NOS1: variants seen among roughly 807,000 people sequenced by gnomAD.
NOS1 encodes the protein NOS type I.
A neutral mutation model predicts 164.5 loss-of-function variants in NOS1; 51 were observed. That is an observed-to-expected ratio of 0.31 (90% CI 0.25 to 0.39). The LOEUF (loss-of-function observed/expected upper bound fraction) is 0.39, where lower values mean the gene tolerates loss of function less well. Among genes scored for constraint, NOS1 ranks in the 10% least tolerant of loss-of-function variants. NOS1 has a pLI of 1.00. For synonymous variants in NOS1, 719 were observed against 745.8 expected (o/e 0.96, Z 0.59); for missense variants, 1,362 against 1,885.6 (o/e 0.72, Z 5.14).
chr12:117,270,094 T>C (rs1254156258), intron 10 of NOS1, among the ~76,000 whole-genome samples: 1 of 152,158 alleles, frequency 6.6e-6, no homozygotes, highest in Admixed American at 6.5e-5. Context: ...AAAGAACTCA[T>C]GACATGCATG....
chr12:117,224,915 C>A, intron 25 of NOS1, 101 bp downstream of exon 25: 1 of 1,488,262 alleles, frequency 6.7e-7, no homozygotes, highest in Non-Finnish European at 9.3e-7. Flanking sequence ...GCGGTGATGC[C>A]GTGGAGAGAC....
chr12:117,251,124 G>A (rs1386694120), intron 17 of NOS1, among the ~76,000 whole-genome samples: 2 of 152,118 alleles, frequency 1.3e-5, no homozygotes, highest in African/African-American at 2.4e-5. Context: ...AGAGATCAGA[G>A]TTCTTCCCTT....
At chr12:117,260,666 C>G in intron 13 of NOS1, 57 bp from the exon 14 acceptor site, 1 of 1,572,412 alleles carries the variant, frequency 6.4e-7, no homozygotes, top group East Asian at 2.3e-5. Flanking sequence ...AGAGAAGATG[C>G]TGGATTGGGA....
chr12:117,288,188 C>G lies in NOS1; in HGVS notation c.1013G>C (p.Gly338Ala). The G allele has an allele frequency of 6.2e-7, 1 of 1,613,706 alleles. No individual in the cohort carries two copies. The highest frequency in any genetic ancestry group is 8.5e-7 in the Non-Finnish European group (1 of 1,179,924). The change falls in exon 5 of 29, where the codon GGC becomes GCC. Residue 338 changes from glycine (G) to alanine (A), a missense_variant. Around this residue, in one of 4 missense-constraint regions of NOS1, gnomAD observed 129 missense variants for 186.0 expected, o/e 0.69. Coordinates refer to ENST00000317775, the MANE Select transcript of NOS1 (RefSeq NM_000620.5). ...ATGCTGAGAAGGATGCATGATGGAG[C>G]CCATGCAGATGTACTCAGTGCATCC... ...ETGCTEYICMGSIMHPSQHAR... is the reference protein window; with the variant it reads ...ETGCTEYICMASIMHPSQHAR...
At chr12:117,299,382 T>A (rs544090452) in intron 3 of NOS1, among the ~76,000 whole-genome samples, 1 of 152,222 alleles carries the variant, frequency 6.6e-6, no homozygotes, top group Admixed American at 6.5e-5. Flanking sequence ...CTCACGCCTG[T>A]AATCCCAGCA....
At chr12:117,279,550 G>A (rs1420893751) in intron 8 of NOS1, among the ~76,000 whole-genome samples, 2 of 152,150 alleles carry the variant, frequency 1.3e-5, no homozygotes, top group Non-Finnish European at 2.9e-5. Flanking sequence ...CAGGGTTAGA[G>A]GGTTTCAAAA....
chr12:117,225,218 G>T lies in NOS1; in HGVS notation c.3705-81C>A, dbSNP rs1410581306. The T allele has an allele frequency of 1.4e-5, 21 of 1,521,284 alleles. No homozygotes were observed. In the East Asian group the frequency reaches 4.1e-4, roughly 30 times the overall value. The allele number at this position is 1,521,284 out of a possible 1,614,324, so 94.2% of individuals were successfully genotyped here. A position where few individuals can be genotyped will look rare whatever the true frequency, so the allele number is the denominator to read the frequency against. ...AATTGAATCTTAGGTAGACCAGGTG[G>T]CCATCTTCGGTAGACATACAATGAG... On this transcript the variant is annotated intron_variant, in intron 24 of 28. Coordinates refer to ENST00000317775, the MANE Select transcript of NOS1 (RefSeq NM_000620.5).
At chr12:117,231,675 T>A (rs1178756271) in intron 22 of NOS1, among the ~76,000 whole-genome samples, 1 of 152,226 alleles carries the variant, frequency 6.6e-6, no homozygotes, top group Non-Finnish European at 1.5e-5. Context: ...AAGATGGCAC[T>A]AATGGAAGCT....
At chr12:117,337,798 CA>C (rs1875909638) in intron 1 of NOS1, among the ~76,000 whole-genome samples, 1 of 152,084 alleles carries the variant, frequency 6.6e-6, no homozygotes, top group Non-Finnish European at 1.5e-5. Context: ...TTCCAAGTGT[CA>C]GTTAAAATCT....
intron 9 of NOS1, among the ~76,000 whole-genome samples, chr12:117,277,354 G>C (rs373102174): frequency 5.8e-4 from 89 of 152,142 alleles, no homozygotes; most frequent in African/African-American, 2.0e-3. Context: ...GGAGGCTGAG[G>C]TGGGAGGATC....
In NOS1 at chr12:117,268,589, ATT is replaced by A. The variant is rs35656036; in HGVS notation, c.1840-447_1840-446del. ...ACAGACTAATGAACTCACTCATTCA[ATT>A]TTTTTTTTTTTTTTTTGAGACGGAG... On this transcript the variant is annotated intron_variant, in intron 10 of 28. Coordinates refer to ENST00000317775, the MANE Select transcript of NOS1 (RefSeq NM_000620.5). Among the ~76,000 whole-genome samples, 35 of 123,194 alleles carry A rather than the reference ATT, an allele frequency of 2.8e-4. No homozygotes were observed. In the East Asian group the frequency reaches 5.8e-3, roughly 21 times the overall value. 80.8% of individuals were successfully genotyped at this position (123,194 alleles called of 152,430 possible).
chr12:117,321,774 A>T (rs944185859), intron 2 of NOS1, among the ~76,000 whole-genome samples: 1 of 152,122 alleles, frequency 6.6e-6, no homozygotes, highest in African/African-American at 2.4e-5. Context: ...CAGTCCTGGA[A>T]TCAATACTGC....
Position 117,211,276 on chromosome 12 carries a change from C to T in NOS1, c.*4033G>A, listed in dbSNP as rs1416088128. On this transcript the variant is annotated 3_prime_UTR_variant, in exon 29 of 29. Transcript: ENST00000317775. ...CCCAGCCTGCAAGATGCTTTAATTTCTCCTTTATTCTCACCCTCTACAATG... is the reference window on the plus strand; with the variant it reads ...CCCAGCCTGCAAGATGCTTTAATTTTTCCTTTATTCTCACCCTCTACAATG... 1 of 985,246 alleles carries T rather than the reference C, an allele frequency of 1.0e-6. No individual in the cohort carries two copies. Among genetic ancestry groups the T allele is most frequent in the Admixed American group, 6.2e-5 (1 of 16,242 alleles). The allele number at this position is 985,246 out of a possible 1,614,324, so 61.0% of individuals were successfully genotyped here. A position where few individuals can be genotyped will look rare whatever the true frequency, so the allele number is the denominator to read the frequency against.
chr12:117,213,381 G>C lies in NOS1; in HGVS notation c.*1928C>G, dbSNP rs971685318. On this transcript the variant is annotated 3_prime_UTR_variant, in exon 29 of 29. Coordinates refer to ENST00000317775, the MANE Select transcript of NOS1 (RefSeq NM_000620.5). ...AGAAGGGGTGAGTGTGGGATGCTAA[G>C]TGTTTGTTCTTTATATCTGTGGAAG... 1 of 985,390 alleles carries C rather than the reference G, an allele frequency of 1.0e-6. No homozygotes were observed. Among genetic ancestry groups the C allele is most frequent in the Admixed American group, 6.2e-5 (1 of 16,258 alleles). 61.0% of individuals were successfully genotyped at this position (985,390 alleles called of 1,614,324 possible).
chr12:117,268,221 G>T, intron 10 of NOS1, 77 bp from the exon 11 acceptor site: 1 of 958,620 alleles, frequency 1.0e-6, no homozygotes, highest in Non-Finnish European at 1.7e-6. Flanking sequence ...AGGGCTAGTG[G>T]CGTGAAATAA....
intron 1 of NOS1, among the ~76,000 whole-genome samples, chr12:117,337,283 T>C (rs1194364209): frequency 1.3e-5 from 2 of 151,782 alleles, no homozygotes; most frequent in Non-Finnish European, 1.5e-5. Flanking sequence ...GCCCGGCTAA[T>C]TTTTTTGTAT....
chr12:117,217,949 T>C, intron 28 of NOS1, 97 bp downstream of exon 28: 1 of 863,640 alleles, frequency 1.2e-6, no homozygotes. Context: ...GCTGCTGTTT[T>C]GGGGACCCTG....
chr12:117,302,484 C>T (rs1280176856), intron 3 of NOS1, among the ~76,000 whole-genome samples: 4 of 150,452 alleles, frequency 2.7e-5, no homozygotes, highest in African/African-American at 7.4e-5. Flanking sequence ...GTCCCAGCTA[C>T]GCGGGAGGCT....
At position 117,208,662 on chromosome 12, in the gene NOS1, A is replaced by T; in HGVS notation, c.*6647T>A. On this transcript the variant is annotated 3_prime_UTR_variant, in exon 29 of 29. Transcript: ENST00000317775. The stretch of plus-strand genomic sequence containing the variant: ...CTGGATCTCAGTGAGTCTTAATCAG[A>T]ACCAACACCAAGGACACAGTGTCTT... 9.0e-7 allele frequency: 1 copy of T among 1,114,496 alleles called. No individual in the cohort carries two copies. Among genetic ancestry groups the T allele is most frequent in the Non-Finnish European group, 1.1e-6 (1 of 902,834 alleles). The allele number at this position is 1,114,496 out of a possible 1,614,324, so 69.0% of individuals were successfully genotyped here.
Sources: gnomAD v4.1 joint callset for allele counts (sites outside exome capture counted in the v4.1 genomes callset) on GRCh38, gnomAD v4.1.1 for gene constraint, gnomAD v4.1.1 regional missense constraint, MANE v1.5 for transcripts, NCBI Gene and HGNC (gene_info 2026-07-23, HGNC 2026-07-21) for gene names.